Variants in SPIRE2 observed in about 807,000 individuals in gnomAD.
SPIRE2 encodes the protein spire type actin nucleation factor 2.
In SPIRE2, 76 loss-of-function variants were observed where a neutral mutation model predicts 80.7. The observed-to-expected ratio is 0.94, with a 90% CI of 0.78 to 1.14. SPIRE2 has a LOEUF of 1.14. SPIRE2 is among the 50% of genes most tolerant of loss of function. The pLI is 0.00. For missense variants in SPIRE2, 1,196 were observed against 1,015.3 expected, an observed-to-expected ratio of 1.18 and a Z score of -2.42; for synonymous variants, 535 against 432.6, an observed-to-expected ratio of 1.24 and a Z score of -2.94.
chr16:89,842,991 G>A (rs1007131461), intron 1 of SPIRE2, among the ~76,000 whole-genome samples: 6 of 152,268 alleles, frequency 3.9e-5, no homozygotes, highest in Admixed American at 2.0e-4. Context: ...CCACTGAGCA[G>A]ATGATTTCAT....
intron 12 of SPIRE2, among the ~76,000 whole-genome samples, chr16:89,866,199 A>C (rs1356315742): frequency 6.6e-6 from 1 of 152,072 alleles, no homozygotes; most frequent in Non-Finnish European, 1.5e-5. Context: ...ATTTCTGTTG[A>C]TATATGCTTG....
Position 89,828,531 on chromosome 16 carries a change from G to A in SPIRE2, c.-20G>A, listed in dbSNP as rs2041347127. 1.9e-6 allele frequency: 2 copies of A among 1,062,634 alleles called. No homozygotes were observed. Among genetic ancestry groups the A allele is most frequent in the Non-Finnish European group, 2.3e-6 (2 of 881,752 alleles). 65.8% of individuals were successfully genotyped at this position (1,062,634 alleles called of 1,614,324 possible). A position where few individuals can be genotyped will look rare whatever the true frequency, so the allele number is the denominator to read the frequency against. On this transcript the variant is annotated 5_prime_UTR_variant, in exon 1 of 15. Coordinates refer to ENST00000378247, the MANE Select transcript of SPIRE2 (RefSeq NM_032451.2). The surrounding 1 kb of genome is among the most constrained non-coding windows in gnomAD (Gnocchi z 5.9). The stretch of plus-strand genomic sequence containing the variant: ...GCATGGACGCGGGTCCGGCGCGCGG[G>A]AGGCGATGACGGCCCCGCCATGGCC...
At chr16:89,839,444 G>C (rs372628832) in intron 1 of SPIRE2, among the ~76,000 whole-genome samples, 1 of 151,686 alleles carries the variant, frequency 6.6e-6, no homozygotes, top group Non-Finnish European at 1.5e-5. Flanking sequence ...CAGGAGTGTT[G>C]GCAGTGGGTG....
chr16:89,837,843 C>T (rs994898245), intron 1 of SPIRE2, among the ~76,000 whole-genome samples: 1 of 152,194 alleles, frequency 6.6e-6, no homozygotes, highest in South Asian at 2.1e-4. Context: ...CCCTCTGAGA[C>T]GAGCACTGGC....
chr16:89,841,493 A>G (rs986112399), intron 1 of SPIRE2, among the ~76,000 whole-genome samples: 2 of 152,004 alleles, frequency 1.3e-5, no homozygotes, highest in African/African-American at 2.4e-5. Flanking sequence ...TGGTTGTGGT[A>G]GCTCTGTATG....
intron 2 of SPIRE2, 79 bp downstream of exon 2, chr16:89,845,444 T>C (rs770819258): frequency 4.3e-5 from 55 of 1,291,002 alleles, no homozygotes; most frequent in Admixed American, 1.2e-4. Context: ...TCATAAAACA[T>C]ATATAGTTAC....
intron 12 of SPIRE2, 145 bp downstream of exon 12, chr16:89,864,006 G>A (rs62056091): frequency 0.071 from 42,087 of 591,016 alleles, 2,116 homozygotes; most frequent in East Asian, 0.16. Context: ...TGGTTAGTAC[G>A]AATGAGGAGT....
At chr16:89,866,777 T>A (rs2041793063) in intron 12 of SPIRE2, among the ~76,000 whole-genome samples, 1 of 151,346 alleles carries the variant, frequency 6.6e-6, no homozygotes, top group Admixed American at 6.6e-5. Context: ...CCTGGCTAAT[T>A]TGTTTGCATT....
chr16:89,865,378 C>T (rs1474170486), intron 12 of SPIRE2, among the ~76,000 whole-genome samples: 4 of 152,080 alleles, frequency 2.6e-5, no homozygotes, highest in Admixed American at 6.5e-5. Context: ...GTATTATACA[C>T]GCTATACAAA....
intron 1 of SPIRE2, among the ~76,000 whole-genome samples, chr16:89,840,450 C>A (rs186671026): frequency 4.6e-4 from 69 of 150,566 alleles, no homozygotes; most frequent in South Asian, 2.1e-3. Context: ...GGGGTTTCAC[C>A]GTGTTAGCCA....
chr16:89,870,427 G>A lies in SPIRE2; in HGVS notation c.*155G>A, dbSNP rs1341665494. 1 of 582,174 alleles carries A rather than the reference G, an allele frequency of 1.7e-6. No individual in the cohort carries two copies. The highest frequency in any genetic ancestry group is 2.9e-5 in the East Asian group (1 of 34,688). The allele number at this position is 582,174 out of a possible 1,614,324, so 36.1% of individuals were successfully genotyped here. On this transcript the variant is annotated 3_prime_UTR_variant, in exon 15 of 15. Coordinates refer to ENST00000378247, the MANE Select transcript of SPIRE2 (RefSeq NM_032451.2). Reference sequence around the variant, plus strand: ...TTATATACACTGTTTCCTGGCCCCAGAGCTCATTTGGGTTCAGGCGCACTT... The same window carrying A: ...TTATATACACTGTTTCCTGGCCCCAAAGCTCATTTGGGTTCAGGCGCACTT...
chr16:89,829,061 G>T (rs74613454), intron 1 of SPIRE2, among the ~76,000 whole-genome samples: 9,883 of 152,254 alleles, frequency 0.065, 379 homozygotes, highest in Non-Finnish European at 0.097. Flanking sequence ...CTCCCAGCGC[G>T]GAGCGGGCTG....
rs752998547 is a variant in SPIRE2 at position 89,845,320 on chromosome 16, A to G, written c.245-2A>G. On this transcript the variant is annotated splice_acceptor_variant, in intron 1 of 14. Transcript: ENST00000378247. LOFTEE classifies it high-confidence loss of function. ...ATAACTTAACTCCCTCTTCTCTTACAGAACCTGCAACCATGGTCGTGCCAC... is the reference window on the plus strand; with the variant it reads ...ATAACTTAACTCCCTCTTCTCTTACGGAACCTGCAACCATGGTCGTGCCAC... The G allele has an allele frequency of 1.2e-6, 2 of 1,614,188 alleles. No individual in the cohort carries two copies. Among genetic ancestry groups the G allele is most frequent in the Admixed American group, 1.7e-5 (1 of 60,024 alleles).
At chr16:89,856,069 G>A (rs748195801) in intron 6 of SPIRE2, 44 bp from the exon 7 acceptor site, 7 of 1,587,880 alleles carry the variant, frequency 4.4e-6, no homozygotes, top group African/African-American at 2.7e-5. Flanking sequence ...CTTCCCCACC[G>A]CAGGTCCTGC....
chr16:89,851,663 C>T (rs931160634), intron 3 of SPIRE2, among the ~76,000 whole-genome samples: 2 of 152,170 alleles, frequency 1.3e-5, no homozygotes, highest in East Asian at 1.9e-4. Context: ...TCCCTGGGCA[C>T]GGCTGCTGCC....
Position 89,863,989 on chromosome 16 carries a change from C to T in SPIRE2, c.1778+128C>T. The T allele has an allele frequency of 1.5e-6, 1 of 663,686 alleles. No individual in the cohort carries two copies. The highest frequency in any genetic ancestry group is 1.8e-5 in the South Asian group (1 of 54,804). 41.1% of individuals were successfully genotyped at this position (663,686 alleles called of 1,614,324 possible). On this transcript the variant is annotated intron_variant, in intron 12 of 14. Coordinates refer to ENST00000378247, the MANE Select transcript of SPIRE2 (RefSeq NM_032451.2). This position sits in a 1 kb window ranked among gnomAD's most constrained non-coding sequence, Gnocchi z 4.3. ...GCATGTTCGATGGCTGATGAGTCCACAAGATATGGTTAGTACGAATGAGGA... is the reference window on the plus strand; with the variant it reads ...GCATGTTCGATGGCTGATGAGTCCATAAGATATGGTTAGTACGAATGAGGA...
At chr16:89,843,508 CAA>C (rs2041523018) in intron 1 of SPIRE2, among the ~76,000 whole-genome samples, 1 of 150,954 alleles carries the variant, frequency 6.6e-6, no homozygotes, top group South Asian at 2.1e-4. Context: ...ACCTGCTCTG[CAA>C]AGTCTGTCTC....
intron 6 of SPIRE2, 33 bp from the exon 7 acceptor site, chr16:89,856,080 T>G (rs1162515156): frequency 6.3e-7 from 1 of 1,598,550 alleles, no homozygotes. Flanking sequence ...CAGGTCCTGC[T>G]TCCCCACCGC....
Position 89,869,677 on chromosome 16 carries a change from C to G in SPIRE2, c.1917C>G (p.Ile639Met), listed in dbSNP as rs754030686. The G allele has an allele frequency of 8.7e-6, 14 of 1,612,174 alleles. No individual in the cohort carries two copies. The highest frequency in any genetic ancestry group is 1.1e-5 in the Non-Finnish European group (13 of 1,178,314). ...CCGCGCCAATCCAGAGAAGAGACAT[C>G]TTTCAGTGCGTTCTTCGCCTTGCTG... Reference protein sequence around the residue: ...AKTAPIQRRDIFQSLQGPQWQ... With the variant: ...AKTAPIQRRDMFQSLQGPQWQ... Residue 639 changes from isoleucine (I) to methionine (M), a missense_variant, in exon 14 of 15, where the codon ATC (isoleucine) becomes ATG (methionine). By Grantham distance (10) the Ile-to-Met change is conservative (BLOSUM62 1). Transcript: ENST00000378247.
Sources: allele counts gnomAD v4.1 joint callset (sites outside exome capture counted in the v4.1 genomes callset), GRCh38; gene constraint gnomAD v4.1.1; non-coding constraint Gnocchi (gnomAD v3.1); transcripts MANE v1.5; gene names NCBI Gene and HGNC (gene_info 2026-07-23, HGNC 2026-07-21).